Variants in AGK observed in about 807,000 individuals in gnomAD.
AGK encodes the protein acylglycerol kinase, mitochondrial.
Under a neutral mutation model 66.4 loss-of-function variants are expected in AGK, and 52 were observed. That is an observed-to-expected ratio of 0.78 (90% CI 0.63 to 0.99). The LOEUF is 0.99. AGK is among the 50% of genes least tolerant of loss of function. The pLI, the probability that AGK is intolerant of heterozygous loss-of-function variation, is 0.00. For missense variants in AGK, 451 were observed against 506.6 expected (o/e 0.89, Z 1.05); for synonymous variants, 182 against 181.1 (o/e 1.00, Z -0.04).
chr7:141,563,222 G>T (rs1795390353), intron 2 of AGK, among the ~76,000 whole-genome samples: 1 of 152,194 alleles, frequency 6.6e-6, no homozygotes, highest in South Asian at 2.1e-4. Context: ...TGTCTGTCCA[G>T]GTGGGAGATG....
intron 1 of AGK, among the ~76,000 whole-genome samples, chr7:141,553,594 C>A (rs1018252639): frequency 1.3e-5 from 2 of 152,198 alleles, no homozygotes; most frequent in Admixed American, 1.3e-4. Flanking sequence ...ACCCATTCTT[C>A]TCTGCCCTCA....
chr7:141,589,006 T>C (rs1368549903), intron 2 of AGK, among the ~76,000 whole-genome samples: 1 of 152,162 alleles, frequency 6.6e-6, no homozygotes, highest in Non-Finnish European at 1.5e-5. Context: ...AGCAAGGTCT[T>C]TATCAGCTAT....
intron 3 of AGK, chr7:141,593,724 T>A: frequency 5.0e-6 from 1 of 201,460 alleles, no homozygotes; most frequent in Non-Finnish European, 1.0e-5. Flanking sequence ...TCCTTTCAAA[T>A]ATAAGACAGC....
chr7:141,575,537 AG>A (rs1795715833), intron 2 of AGK, among the ~76,000 whole-genome samples: 2 of 151,756 alleles, frequency 1.3e-5, no homozygotes, highest in African/African-American at 4.8e-5. Context: ...CAGGGGTTTC[AG>A]GGTGTGTAGA....
intron 8 of AGK, among the ~76,000 whole-genome samples, chr7:141,616,782 A>G (rs1471746276): frequency 1.4e-5 from 2 of 146,346 alleles, no homozygotes; most frequent in Non-Finnish European, 3.0e-5. Flanking sequence ...TTTTTGAGAC[A>G]GAGTCTCGCT....
chr7:141,623,379 CAA>C (rs35119899), intron 9 of AGK, among the ~76,000 whole-genome samples: 6 of 54,220 alleles, frequency 1.1e-4, no homozygotes, highest in Admixed American at 4.2e-4. Context: ...AACTTTTTCT[CAA>C]AAAAAAAAAA....
intron 2 of AGK, among the ~76,000 whole-genome samples, chr7:141,580,814 A>G (rs1048197817): frequency 6.6e-6 from 1 of 152,022 alleles, no homozygotes; most frequent in Admixed American, 6.5e-5. Flanking sequence ...ACAGCCCTGC[A>G]CTTCAGCTGT....
intron 2 of AGK, among the ~76,000 whole-genome samples, chr7:141,588,580 C>T (rs1202351184): frequency 1.3e-5 from 2 of 151,442 alleles, no homozygotes; most frequent in South Asian, 4.2e-4. Flanking sequence ...AGCGCCACTG[C>T]ACTCCAGCCT....
Position 141,555,382 on chromosome 7 carries a change from A to C in AGK, c.-14-71A>C. 1 of 999,258 alleles carries C rather than the reference A, an allele frequency of 1.0e-6. No homozygotes were observed. The highest frequency in any genetic ancestry group is 1.5e-6 in the Non-Finnish European group (1 of 672,080). 61.9% of individuals were successfully genotyped at this position (999,258 alleles called of 1,614,324 possible). A position where few individuals can be genotyped will look rare whatever the true frequency, so the allele number is the denominator to read the frequency against. ...GAGAGGATAAAAGAATGGAAGACAG[A>C]GTAATAGGGACATTACATGAAGACC... On this transcript the variant is annotated intron_variant, in intron 1 of 15. Transcript: ENST00000649286. The surrounding 1 kb of genome is among the most constrained non-coding windows in gnomAD (Gnocchi z 4.2).
At chr7:141,620,165 G>T (rs1796793555) in intron 8 of AGK, among the ~76,000 whole-genome samples, 1 of 152,198 alleles carries the variant, frequency 6.6e-6, no homozygotes, top group African/African-American at 2.4e-5. Context: ...ATTGTCAGGA[G>T]CTGAAGGTGC....
At chr7:141,602,173 T>TG (rs1587114560) in intron 5 of AGK, among the ~76,000 whole-genome samples, 145 of 125,380 alleles carry the variant, frequency 1.2e-3, no homozygotes, top group South Asian at 8.8e-3. Flanking sequence ...GGAGATTTTC[T>TG]TGTGTGTGTG....
rs560221833 is a variant in AGK at position 141,596,149 on chromosome 7, G to A, written c.142-413G>A. ...TGTGTAAACATATGAAGATTAACTG[G>A]TAACACAAAGATTCTTCATGAACAA... is the stretch of plus-strand genomic sequence containing the variant. On this transcript the variant is annotated intron_variant, in intron 3 of 15. Transcript: ENST00000649286. Among the ~76,000 whole-genome samples the A allele has an allele frequency of 1.2e-4, 19 of 152,256 alleles. No homozygotes were observed. The South Asian group carries it at 3.9e-3, about 32-fold the overall frequency.
Position 141,654,527 on chromosome 7 carries a change from T to C in AGK, c.*1603T>C, listed in dbSNP as rs1233127733. 6.6e-6 allele frequency: 1 copy of C among 152,230 alleles called. No homozygotes were observed. Among genetic ancestry groups the C allele is most frequent in the Non-Finnish European group, 1.5e-5 (1 of 68,038 alleles). 9.4% of individuals were successfully genotyped at this position (152,230 alleles called of 1,614,324 possible). Reference sequence around the variant, plus strand: ...ACAACTTGATTAGATTCTCCTTTAGTCTGTTGAAAGCAGAGAACTGAAATC... The same window carrying C: ...ACAACTTGATTAGATTCTCCTTTAGCCTGTTGAAAGCAGAGAACTGAAATC... On this transcript the variant is annotated 3_prime_UTR_variant, in exon 16 of 16. Coordinates refer to ENST00000649286, the MANE Select transcript of AGK (RefSeq NM_018238.4).
At chr7:141,565,480 A>G (rs188806263) in intron 2 of AGK, among the ~76,000 whole-genome samples, 2 of 152,050 alleles carry the variant, frequency 1.3e-5, no homozygotes, top group African/African-American at 2.4e-5. Flanking sequence ...GCAAAACCCT[A>G]TCTCTACTAA....
chr7:141,649,416 C>A, intron 14 of AGK, 83 bp downstream of exon 14: 1 of 1,016,454 alleles, frequency 9.8e-7, no homozygotes, highest in Non-Finnish European at 1.5e-6. Flanking sequence ...AAGTCTAAGA[C>A]AGAAATCCAG....
intron 4 of AGK, 94 bp downstream of exon 4, chr7:141,596,735 G>A: frequency 9.1e-7 from 1 of 1,098,160 alleles, no homozygotes; most frequent in South Asian, 1.3e-5. Context: ...TGTGGAATTG[G>A]AAGAACTAGG....
At chr7:141,603,217 T>C (rs773438657) in intron 5 of AGK, among the ~76,000 whole-genome samples, 19 of 152,282 alleles carry the variant, frequency 1.2e-4, no homozygotes, top group South Asian at 2.1e-4. Flanking sequence ...CTATATAAAT[T>C]CTCAAGAGGG....
At chr7:141,559,573 G>T (rs534240297) in intron 2 of AGK, among the ~76,000 whole-genome samples, 39 of 152,136 alleles carry the variant, frequency 2.6e-4, no homozygotes, top group African/African-American at 8.9e-4. Flanking sequence ...TCTTTTTCAA[G>T]ATTGTTTTGG....
rs142837816 is a variant in AGK, at chr7:141,583,846, T to C, written c.102-9300T>C. ...CACCAAGATTGAAAGGAGAAAGAGG[T>C]TGAGGGATAGTGAGAGAGGTTGGAG... On this transcript the variant is annotated intron_variant, in intron 2 of 15. Transcript: ENST00000649286. Among the ~76,000 whole-genome samples, 178 of 150,616 alleles carry C rather than the reference T, an allele frequency of 1.2e-3. 1 individual carries two copies. The highest frequency in any genetic ancestry group is 4.2e-3 in the African/African-American group (170 of 40,812).
Sources: allele counts gnomAD v4.1 joint callset (sites outside exome capture counted in the v4.1 genomes callset), GRCh38; gene constraint gnomAD v4.1.1; non-coding constraint Gnocchi (gnomAD v3.1); transcripts MANE v1.5; gene names NCBI Gene and HGNC (gene_info 2026-07-23, HGNC 2026-07-21).